Variants in BFSP2 observed in about 807,000 individuals in gnomAD.
BFSP2 encodes the protein phakinin.
A neutral mutation model predicts 44.9 loss-of-function variants in BFSP2; 38 were observed. That is an observed-to-expected ratio of 0.85 (90% CI 0.65 to 1.11). BFSP2 has a LOEUF of 1.11. BFSP2 is among the 50% of genes least tolerant of loss of function. The probability of loss-of-function intolerance (pLI) is 0.00; values close to 1 mark genes in which losing one functional copy is unlikely to be tolerated. For missense variants in BFSP2, 525 were observed against 533.0 expected (o/e 0.99, Z 0.15); for synonymous variants, 197 against 209.9 (o/e 0.94, Z 0.53).
chr3:133,443,773 C>T (rs2073867818), intron 1 of BFSP2, among the ~76,000 whole-genome samples: 1 of 152,122 alleles, frequency 6.6e-6, no homozygotes, highest in African/African-American at 2.4e-5. Flanking sequence ...GTTTAATTTC[C>T]CAGGAGCTCA....
intron 3 of BFSP2, among the ~76,000 whole-genome samples, chr3:133,449,693 C>T (rs1470405265): frequency 6.6e-6 from 1 of 151,938 alleles, no homozygotes; most frequent in Non-Finnish European, 1.5e-5. Flanking sequence ...GCCTGGGCAA[C>T]ATGGTGAAAC....
chr3:133,447,881 G>T (rs1436331503), intron 2 of BFSP2, among the ~76,000 whole-genome samples: 2 of 152,218 alleles, frequency 1.3e-5, no homozygotes, highest in African/African-American at 4.8e-5. Flanking sequence ...CAGTGCACAA[G>T]CCATAGACTA....
chr3:133,447,409 TAC>T lies in BFSP2; in HGVS notation c.572+12_572+13del. ...ATGACTTTAAAGAGAGGTAATGTCT[TAC>T]AGCAGAGGCGACAGTCCCTCCACAT... On this transcript the variant is annotated intron_variant, in intron 2 of 6. Transcript: ENST00000302334. 1 of 1,613,320 alleles carries T rather than the reference TAC, an allele frequency of 6.2e-7. No homozygotes were observed. Among genetic ancestry groups the T allele is most frequent in the Non-Finnish European group, 8.5e-7 (1 of 1,179,480 alleles).
At chr3:133,448,727 A>G in intron 3 of BFSP2, 82 bp downstream of exon 3, 1 of 1,531,578 alleles carries the variant, frequency 6.5e-7, no homozygotes, top group Non-Finnish European at 8.9e-7. Context: ...ACAAGGCCAC[A>G]GTAGCTCATT....
intron 1 of BFSP2, among the ~76,000 whole-genome samples, chr3:133,426,286 C>T (rs2073653778): frequency 6.6e-6 from 1 of 152,040 alleles, no homozygotes; most frequent in Non-Finnish European, 1.5e-5. Context: ...CTCCCAAATG[C>T]CCCCTGCTGA....
chr3:133,457,076 A>T (rs1232978278), intron 4 of BFSP2, among the ~76,000 whole-genome samples: 3 of 152,248 alleles, frequency 2.0e-5, no homozygotes, highest in African/African-American at 7.2e-5. Context: ...CTAGACTACA[A>T]GATGACCTCT....
In BFSP2 at chr3:133,466,827, G is replaced by T; in HGVS notation, c.892-1G>T. 6.2e-7 allele frequency: 1 copy of T among 1,613,462 alleles called. No homozygotes were observed. Among genetic ancestry groups the T allele is most frequent in the Non-Finnish European group, 8.5e-7 (1 of 1,179,950 alleles). ...TCACACTGAGACCTGACTCTCCACA[G>T]CAACAGGCGGAGGTGGCCCACATGT... On this transcript the variant is annotated splice_acceptor_variant, in intron 4 of 6. Coordinates refer to ENST00000302334, the MANE Select transcript of BFSP2 (RefSeq NM_003571.4). LOFTEE classifies it high-confidence loss of function.
intron 1 of BFSP2, among the ~76,000 whole-genome samples, chr3:133,421,850 C>T (rs139587069): frequency 3.5e-4 from 53 of 152,086 alleles, no homozygotes; most frequent in African/African-American, 9.6e-4. Context: ...GGCTCACGCC[C>T]GTAATCCCAG....
chr3:133,419,294 G>T (rs770158573), intron 1 of BFSP2, among the ~76,000 whole-genome samples: 1 of 152,182 alleles, frequency 6.6e-6, no homozygotes, highest in South Asian at 2.1e-4. Flanking sequence ...CAGGAATTTG[G>T]GGGAGGAAGG....
chr3:133,437,792 AAAAT>A (rs1273591021), intron 1 of BFSP2, among the ~76,000 whole-genome samples: 3 of 152,194 alleles, frequency 2.0e-5, no homozygotes, highest in African/African-American at 7.2e-5. Context: ...AGCACCGTGA[AAAAT>A]AATCAAATAG....
At chr3:133,463,118 G>A (rs918015932) in intron 4 of BFSP2, among the ~76,000 whole-genome samples, 13 of 152,128 alleles carry the variant, frequency 8.5e-5, no homozygotes, top group Non-Finnish European at 1.9e-4. Flanking sequence ...AGACCAGCCT[G>A]GCCAACATGG....
chr3:133,446,455 A>G (rs1397973591), intron 1 of BFSP2, among the ~76,000 whole-genome samples: 1 of 150,018 alleles, frequency 6.7e-6, no homozygotes, highest in Non-Finnish European at 1.5e-5. Flanking sequence ...CAATGAAATG[A>G]AACAAAATAA....
intron 1 of BFSP2, among the ~76,000 whole-genome samples, chr3:133,436,733 C>A (rs1164760560): frequency 6.6e-6 from 1 of 152,294 alleles, no homozygotes; most frequent in African/African-American, 2.4e-5. Context: ...TTAGGTATAT[C>A]TCCTAATGCT....
At chr3:133,407,180 A>G (rs1351824910) in intron 1 of BFSP2, among the ~76,000 whole-genome samples, 1 of 152,202 alleles carries the variant, frequency 6.6e-6, no homozygotes, top group Non-Finnish European at 1.5e-5. Context: ...CCAGGAGTTC[A>G]AGACCAGCCT....
chr3:133,410,407 A>G, intron 1 of BFSP2: 1 of 309,076 alleles, frequency 3.2e-6, no homozygotes, highest in Non-Finnish European at 6.3e-6. Context: ...AAATGTCAGC[A>G]TGGATCACAG....
At position 133,471,520 on chromosome 3, in the gene BFSP2, T is replaced by C. The variant is rs186358777; in HGVS notation, c.1024-825T>C. ...AGCCAGTGGCTTCATTTTGGACACC[T>C]TGATGTGAGGTCTGAGTATATGTTT... is the stretch of plus-strand genomic sequence containing the variant. On this transcript the variant is annotated intron_variant, in intron 5 of 6. Transcript: ENST00000302334. Among the ~76,000 whole-genome samples, 818 of 152,298 alleles carry C rather than the reference T, an allele frequency of 5.4e-3. 6 individuals are homozygous for C. The highest frequency in any genetic ancestry group is 0.017 in the African/African-American group (701 of 41,556).
chr3:133,453,300 G>A (rs1046232972), intron 4 of BFSP2, among the ~76,000 whole-genome samples: 1 of 152,192 alleles, frequency 6.6e-6, no homozygotes, highest in African/African-American at 2.4e-5. Flanking sequence ...AGCACACACA[G>A]CTTTCAAAAG....
At position 133,423,989 on chromosome 3, in the gene BFSP2, CCTGAGA is replaced by C. The variant is rs1410480106; in HGVS notation, c.490-23325_490-23320del. Among the ~76,000 whole-genome samples, 15 of 151,956 alleles carry C rather than the reference CCTGAGA, an allele frequency of 9.9e-5. No homozygotes were observed. The East Asian group carries it at 2.9e-3, about 29-fold the overall frequency. On this transcript the variant is annotated intron_variant, in intron 1 of 6. Transcript: ENST00000302334. ...AATCAACCATAAAATTTCATTTTCCCCTGAGACTTTGCATATATCGACCAGCTAGTC... is the reference window on the plus strand; with the variant it reads ...AATCAACCATAAAATTTCATTTTCCCCTTTGCATATATCGACCAGCTAGTC...
chr3:133,422,991 G>T (rs1576567823), intron 1 of BFSP2, among the ~76,000 whole-genome samples: 1 of 152,212 alleles, frequency 6.6e-6, no homozygotes, highest in African/African-American at 2.4e-5. Flanking sequence ...GACACACCCT[G>T]TCATGGTTCC....
Sources: gnomAD v4.1 joint callset for allele counts (sites outside exome capture counted in the v4.1 genomes callset) on GRCh38, gnomAD v4.1.1 for gene constraint, MANE v1.5 for transcripts, NCBI Gene and HGNC (gene_info 2026-07-23, HGNC 2026-07-21) for gene names.